Variants in SOX5 observed in about 807,000 individuals in gnomAD.
The protein encoded by SOX5 is transcription factor SOX-5.
A neutral mutation model predicts 92.0 loss-of-function variants in SOX5; 9 were observed. That is an observed-to-expected ratio of 0.10 (90% CI 0.06 to 0.17). The LOEUF (loss-of-function observed/expected upper bound fraction) is 0.17, where lower values mean the gene tolerates loss of function less well. Among genes scored for constraint, SOX5 ranks in the 10% least tolerant of loss-of-function variants. The probability of loss-of-function intolerance (pLI) is 1.00; values close to 1 mark genes in which losing one functional copy is unlikely to be tolerated. For missense variants in SOX5, 642 were observed against 944.5 expected (o/e 0.68, Z 4.20); for synonymous variants, 344 against 336.3 (o/e 1.02, Z -0.25).
At chr12:23,537,608 C>T (rs1189970655) in intron 13 of SOX5, among the ~76,000 whole-genome samples, 2 of 152,098 alleles carry the variant, frequency 1.3e-5, no homozygotes, top group Non-Finnish European at 2.9e-5. Context: ...GTAATAATAA[C>T]CCAAATTGTT....
intron 4 of SOX5, among the ~76,000 whole-genome samples, chr12:24,074,595 T>C (rs1351526540): frequency 8.1e-6 from 1 of 124,114 alleles, no homozygotes; most frequent in Non-Finnish European, 1.6e-5. Context: ...CACACAAACC[T>C]GGTGTCAGGC....
At chr12:23,813,014 C>CA (rs1213207398) in intron 3 of SOX5, among the ~76,000 whole-genome samples, 1 of 152,088 alleles carries the variant, frequency 6.6e-6, no homozygotes, top group African/African-American at 2.4e-5. Flanking sequence ...TAAACAACAG[C>CA]AAAAAATCAC....
chr12:24,498,431 C>G (rs926170446), intron 1 of SOX5, among the ~76,000 whole-genome samples: 1 of 152,130 alleles, frequency 6.6e-6, no homozygotes, highest in East Asian at 1.9e-4. Flanking sequence ...GACCTACATT[C>G]CTTCTACCTC....
At chr12:24,082,515 A>C (rs1168920068) in intron 4 of SOX5, among the ~76,000 whole-genome samples, 2 of 150,696 alleles carry the variant, frequency 1.3e-5, no homozygotes, top group African/African-American at 4.9e-5. Context: ...GTTACAATTA[A>C]GATTTTGATT....
At chr12:24,432,569 C>A (rs1374632528) in intron 1 of SOX5, among the ~76,000 whole-genome samples, 1 of 152,080 alleles carries the variant, frequency 6.6e-6, no homozygotes, top group Non-Finnish European at 1.5e-5. Context: ...AATCCCAGCA[C>A]TTTGGGAGGC....
intron 3 of SOX5, among the ~76,000 whole-genome samples, chr12:23,785,389 T>C (rs1041674179): frequency 5.9e-5 from 9 of 152,192 alleles, no homozygotes; most frequent in Non-Finnish European, 1.3e-4. Flanking sequence ...GTCATTTGTG[T>C]TTAAACCAAA....
chr12:24,018,658 A>T (rs1336029739), intron 4 of SOX5, among the ~76,000 whole-genome samples: 1 of 152,096 alleles, frequency 6.6e-6, no homozygotes, highest in Non-Finnish European at 1.5e-5. Context: ...CTAGCTGGGC[A>T]TGGTGGCATG....
At chr12:24,558,184 TTTAAAATA>T (rs1953994249) in intron 1 of SOX5, among the ~76,000 whole-genome samples, 4 of 152,166 alleles carry the variant, frequency 2.6e-5, no homozygotes, top group Non-Finnish European at 4.4e-5. Flanking sequence ...TATTAGCAAC[TTTAAAATA>T]ATTAGCTTAT....
intron 3 of SOX5, among the ~76,000 whole-genome samples, chr12:23,758,920 G>A (rs1287327922): frequency 6.6e-6 from 1 of 151,714 alleles, no homozygotes; most frequent in African/African-American, 2.4e-5. Flanking sequence ...GCACCTTGAG[G>A]TTGGACTTCT....
intron 4 of SOX5, among the ~76,000 whole-genome samples, chr12:24,038,515 C>A (rs1956252652): frequency 6.6e-6 from 1 of 152,104 alleles, no homozygotes; most frequent in African/African-American, 2.4e-5. Flanking sequence ...ATTACACAAC[C>A]AAATATTGCC....
At chr12:24,510,982 T>C (rs950611949) in intron 1 of SOX5, among the ~76,000 whole-genome samples, 2 of 152,214 alleles carry the variant, frequency 1.3e-5, no homozygotes, top group Admixed American at 6.5e-5. Context: ...AGGCAGTTAA[T>C]AATGACTTGC....
chr12:24,550,148 T>C (rs1156975644), intron 1 of SOX5, among the ~76,000 whole-genome samples: 1 of 152,238 alleles, frequency 6.6e-6, no homozygotes, highest in Non-Finnish European at 1.5e-5. Context: ...TCTGTAACTA[T>C]GTTAGAGTTA....
rs767392175 is a variant in SOX5, at chr12:23,846,180, T to C, written c.284A>G (p.Asn95Ser). Residue 95 changes from asparagine to serine, a missense_variant, in exon 3 of 15, where the codon AAT (asparagine) becomes AGT (serine). Around this residue, in one of 8 missense-constraint regions of SOX5, gnomAD observed 113 missense variants for 117.7 expected, o/e 0.96. Transcript: ENST00000451604. ...SQHNTMEVDG[N>S]KVMSSFAPHN... ...TGGGGCAAATGAAGACATAACTTTATTGCCATCAACTTCCTGAAAGAGAAA... is the reference window on the plus strand; with the variant it reads ...TGGGGCAAATGAAGACATAACTTTACTGCCATCAACTTCCTGAAAGAGAAA... The C allele has an allele frequency of 1.2e-6, 2 of 1,613,764 alleles. No individual in the cohort carries two copies. Among genetic ancestry groups the C allele is most frequent in the South Asian group, 2.2e-5 (2 of 91,070 alleles).
chr12:23,780,357 T>C (rs1030319474), intron 3 of SOX5, among the ~76,000 whole-genome samples: 1 of 151,932 alleles, frequency 6.6e-6, no homozygotes, highest in African/African-American at 2.4e-5. Flanking sequence ...CTTTGTTAGG[T>C]ATTTTATAGA....
chr12:23,605,875 C>A, intron 8 of SOX5, among the ~76,000 whole-genome samples: 1 of 151,522 alleles, frequency 6.6e-6, no homozygotes, highest in African/African-American at 2.4e-5. Flanking sequence ...AAAATATATC[C>A]CAGAGAAAAC....
At chr12:23,952,770 T>C (rs1945821762), upstream of SOX5, among the ~76,000 whole-genome samples, 1 of 152,134 alleles carries the variant, frequency 6.6e-6, no homozygotes, top group South Asian at 2.1e-4. Flanking sequence ...ATAAATTAGC[T>C]CATGGATCTT....
chr12:24,187,211 T>C (rs892227277), intron 4 of SOX5, among the ~76,000 whole-genome samples: 1 of 152,190 alleles, frequency 6.6e-6, no homozygotes. Context: ...AGAAGAAAGA[T>C]GTAATAGTGT....
At chr12:24,083,026 T>C (rs1209952909) in intron 4 of SOX5, among the ~76,000 whole-genome samples, 2 of 152,068 alleles carry the variant, frequency 1.3e-5, no homozygotes, top group Non-Finnish European at 2.9e-5. Context: ...TCTATTATTC[T>C]GTCATGTTAA....
chr12:23,645,257 A>G (rs902746290), intron 7 of SOX5, among the ~76,000 whole-genome samples: 1 of 152,124 alleles, frequency 6.6e-6, no homozygotes, highest in African/African-American at 2.4e-5. Context: ...GATGGAGGGG[A>G]GGAGAGACCT....
Sources: allele counts gnomAD v4.1 joint callset (sites outside exome capture counted in the v4.1 genomes callset), GRCh38; gene constraint gnomAD v4.1.1; regional missense constraint gnomAD v4.1.1; transcripts MANE v1.5; gene names NCBI Gene and HGNC (gene_info 2026-07-23, HGNC 2026-07-21).